Variants in SPAG16 observed in about 807,000 individuals in gnomAD.
SPAG16 encodes sperm associated antigen 16.
A neutral mutation model predicts 80.4 loss-of-function variants in SPAG16; 86 were observed. That is an observed-to-expected ratio of 1.07 (90% CI 0.90 to 1.28). The LOEUF is 1.28. Ranked by LOEUF, SPAG16 falls within the 50% of genes most tolerant of loss-of-function variation. The pLI, the probability that SPAG16 is intolerant of heterozygous loss-of-function variation, is 0.00. For synonymous variants in SPAG16, 294 were observed against 265.9 expected, an observed-to-expected ratio of 1.11 and a Z score of -1.03; for missense variants, 870 against 765.3, an observed-to-expected ratio of 1.14 and a Z score of -1.61.
chr2:213,937,491 ATAAT>A (rs959257316), intron 12 of SPAG16, among the ~76,000 whole-genome samples: 1 of 152,064 alleles, frequency 6.6e-6, no homozygotes, highest in African/African-American at 2.4e-5. Flanking sequence ...TTACACCAGG[ATAAT>A]TAATTATTAT....
intron 15 of SPAG16, among the ~76,000 whole-genome samples, chr2:214,294,493 C>T (rs1172732137): frequency 6.6e-6 from 1 of 152,178 alleles, no homozygotes; most frequent in East Asian, 1.9e-4. Flanking sequence ...CATATAATAG[C>T]TGCATCTAGT....
intron 10 of SPAG16, among the ~76,000 whole-genome samples, chr2:213,830,966 C>G (rs940596597): frequency 6.6e-6 from 1 of 151,106 alleles, no homozygotes; most frequent in African/African-American, 2.4e-5. Context: ...TGATTTATAA[C>G]TCTTTCTCAA....
chr2:213,848,790 A>G (rs2074755938), intron 10 of SPAG16, among the ~76,000 whole-genome samples: 1 of 152,106 alleles, frequency 6.6e-6, no homozygotes, highest in South Asian at 2.1e-4. Flanking sequence ...AGCATCTCAA[A>G]TTACATATAG....
At chr2:214,181,204 G>A (rs377236978) in intron 15 of SPAG16, among the ~76,000 whole-genome samples, 3 of 151,936 alleles carry the variant, frequency 2.0e-5, no homozygotes, top group South Asian at 4.1e-4. Context: ...GTGAGTAGAT[G>A]TAACAAAGGA....
intron 12 of SPAG16, among the ~76,000 whole-genome samples, chr2:213,982,192 G>A (rs529299552): frequency 6.7e-6 from 1 of 149,278 alleles, no homozygotes; most frequent in African/African-American, 2.6e-5. Flanking sequence ...ATATTCTAAA[G>A]TTAGTAAATT....
At chr2:214,227,266 T>G (rs2058717340) in intron 15 of SPAG16, among the ~76,000 whole-genome samples, 1 of 152,032 alleles carries the variant, frequency 6.6e-6, no homozygotes, top group Non-Finnish European at 1.5e-5. Flanking sequence ...ACAGTCTGGG[T>G]AATTTGCTGC....
chr2:214,283,375 A>T (rs1380415698), intron 15 of SPAG16, among the ~76,000 whole-genome samples: 1 of 152,120 alleles, frequency 6.6e-6, no homozygotes, highest in African/African-American at 2.4e-5. Context: ...TGTTAAATAC[A>T]TGCCAGCCCC....
chr2:214,366,796 C>T (rs925762352), intron 15 of SPAG16, among the ~76,000 whole-genome samples: 3 of 152,076 alleles, frequency 2.0e-5, no homozygotes, highest in African/African-American at 7.2e-5. Flanking sequence ...TCAGCTCCTG[C>T]CATCTGCTTT....
At chr2:213,724,422 T>C (rs1574947285) in intron 10 of SPAG16, among the ~76,000 whole-genome samples, 1 of 152,072 alleles carries the variant, frequency 6.6e-6, no homozygotes, top group Non-Finnish European at 1.5e-5. Context: ...GGAGACAATA[T>C]TTAAAATGCT....
chr2:214,232,673 C>A (rs749393711), intron 15 of SPAG16, among the ~76,000 whole-genome samples: 1 of 151,876 alleles, frequency 6.6e-6, no homozygotes, highest in Non-Finnish European at 1.5e-5. Flanking sequence ...TTTTAAATTT[C>A]TTTAAATATC....
chr2:213,789,213 A>T (rs2070533922), intron 10 of SPAG16, among the ~76,000 whole-genome samples: 1 of 151,956 alleles, frequency 6.6e-6, no homozygotes, highest in African/African-American at 2.4e-5. Context: ...TTGGAAGTAA[A>T]ACCATCCTTT....
At chr2:213,597,993 G>A (rs1213373277) in intron 10 of SPAG16, among the ~76,000 whole-genome samples, 1 of 152,006 alleles carries the variant, frequency 6.6e-6, no homozygotes, top group African/African-American at 2.4e-5. Flanking sequence ...TCTCTCTGAG[G>A]GCTGCTATCT....
At chr2:214,000,315 C>T (rs1559676592) in intron 12 of SPAG16, among the ~76,000 whole-genome samples, 1 of 152,218 alleles carries the variant, frequency 6.6e-6, no homozygotes, top group African/African-American at 2.4e-5. Flanking sequence ...CAGGGGTTTC[C>T]GCTTTTGCAT....
intron 11 of SPAG16, among the ~76,000 whole-genome samples, chr2:213,919,674 G>A (rs1030772141): frequency 3.9e-5 from 6 of 152,168 alleles, no homozygotes; most frequent in African/African-American, 1.2e-4. Context: ...TATGATTATA[G>A]TTCTCTTGCA....
chr2:213,409,152 A>G (rs974285474), intron 9 of SPAG16, among the ~76,000 whole-genome samples: 3 of 151,844 alleles, frequency 2.0e-5, no homozygotes, highest in South Asian at 2.1e-4. Flanking sequence ...GTGACAAGTC[A>G]GAAAGTTGAG....
intron 15 of SPAG16, among the ~76,000 whole-genome samples, chr2:214,383,264 A>C (rs1197640267): frequency 6.6e-6 from 1 of 152,152 alleles, no homozygotes; most frequent in Non-Finnish European, 1.5e-5. Flanking sequence ...AAATCAAAAG[A>C]GGCCCCCAAA....
chr2:214,406,023 G>A (rs1701979483), intron 15 of SPAG16, among the ~76,000 whole-genome samples: 1 of 152,102 alleles, frequency 6.6e-6, no homozygotes, highest in South Asian at 2.1e-4. Flanking sequence ...TGTCATAAAG[G>A]TTTTTGTGCT....
intron 15 of SPAG16, among the ~76,000 whole-genome samples, chr2:214,247,036 G>A (rs1386123995): frequency 6.6e-6 from 1 of 152,010 alleles, no homozygotes. Flanking sequence ...ATTACACCAA[G>A]ACACAACACT....
At chr2:214,012,288 AT>A (rs778689045) in intron 12 of SPAG16, among the ~76,000 whole-genome samples, 10 of 46,806 alleles carry the variant, frequency 2.1e-4, no homozygotes, top group African/African-American at 8.6e-4. Flanking sequence ...ATATATATAT[AT>A]TTTTTTTTTT....
Sources: allele counts gnomAD v4.1 joint callset (sites outside exome capture counted in the v4.1 genomes callset), GRCh38; gene constraint gnomAD v4.1.1; transcripts MANE v1.5; gene names NCBI Gene and HGNC (gene_info 2026-07-23, HGNC 2026-07-21).